SOS1: variants seen among roughly 807,000 people sequenced by gnomAD.
SOS1 encodes SOS Ras/Rac guanine nucleotide exchange factor 1, also known as son of sevenless homolog 1.
Under a neutral mutation model 157.6 loss-of-function variants are expected in SOS1, and 25 were observed. The observed-to-expected ratio is 0.16, with a 90% CI of 0.12 to 0.22. The LOEUF is 0.22. Among genes scored for constraint, SOS1 ranks in the 10% least tolerant of loss-of-function variants. The pLI is 1.00. For missense variants in SOS1, 1,237 were observed against 1,599.1 expected (o/e 0.77, Z 3.86); for synonymous variants, 528 against 534.0 (o/e 0.99, Z 0.16).
Position 39,082,526 on chromosome 2 carries a change from A to C in SOS1, c.88-14773T>G, listed in dbSNP as rs182720453. 2.0e-5 allele frequency: 3 copies of C among 152,296 alleles called. No homozygotes were observed. The East Asian group carries it at 5.8e-4, about 29-fold the overall frequency. 9.4% of individuals were successfully genotyped at this position (152,296 alleles called of 1,614,324 possible). On this transcript the variant is annotated intron_variant, in intron 1 of 22. Coordinates refer to ENST00000402219, the MANE Select transcript of SOS1 (RefSeq NM_005633.4). The stretch of plus-strand genomic sequence containing the variant: ...CCAGAGGTATCTTACGGTAAATTTT[A>C]CTTTAAATTTATTAGAGTACAGGTT...
At chr2:38,998,300 A>G (rs555694673) in intron 17 of SOS1, among the ~76,000 whole-genome samples, 2 of 152,052 alleles carry the variant, frequency 1.3e-5, no homozygotes, top group Admixed American at 1.3e-4. Flanking sequence ...CCCAGGCTAG[A>G]GTGCAATGGC....
intron 8 of SOS1, chr2:39,034,667 G>C: frequency 1.1e-5 from 4 of 351,394 alleles, no homozygotes; most frequent in South Asian, 9.5e-5. Context: ...TGATCAAATG[G>C]GCAATTTTTA....
In SOS1 at chr2:38,997,606, A is replaced by ATT. The variant is rs4015854; in HGVS notation, c.2792-183_2792-182dup. On this transcript the variant is annotated intron_variant, in intron 17 of 22. Coordinates refer to ENST00000402219, the MANE Select transcript of SOS1 (RefSeq NM_005633.4). ...GAGAAAGTATCTGTGAAAGACTTAA[A>ATT]TTTTTTTTTTTTTTTCCTCATCAGA... 0.89 allele frequency among the ~76,000 whole-genome samples: 130,301 copies of ATT among 146,316 alleles called. 58,159 individuals carry two copies. The highest frequency in any genetic ancestry group is 0.93 in the Non-Finnish European group (61,890 of 66,818).
intron 6 of SOS1, among the ~76,000 whole-genome samples, chr2:39,043,321 C>T (rs1558484710): frequency 1.3e-5 from 2 of 152,074 alleles, no homozygotes; most frequent in African/African-American, 4.8e-5. Flanking sequence ...GATATATAGA[C>T]ATATGTTTTA....
intron 8 of SOS1, among the ~76,000 whole-genome samples, chr2:39,027,238 A>G (rs1344218113): frequency 6.6e-6 from 1 of 152,186 alleles, no homozygotes; most frequent in Non-Finnish European, 1.5e-5. Flanking sequence ...CCACTTGGAC[A>G]TCCTTTGATT....
rs570650634 is a variant in SOS1, at chr2:39,120,456, G to A, written c.-34C>T. On this transcript the variant is annotated 5_prime_UTR_variant, in exon 1 of 23. Transcript: ENST00000402219. The stretch of plus-strand genomic sequence containing the variant: ...CGGGGCGCCTCTGGGCGGGGAGAGG[G>A]GCGGCGGCGGCCGGGCCAGGGAGCC... 5 of 1,538,580 alleles carry A rather than the reference G, an allele frequency of 3.2e-6. No homozygotes were observed. The highest frequency in any genetic ancestry group is 2.6e-6 in the Non-Finnish European group (3 of 1,144,258).
chr2:39,091,787 C>A (rs778782973), intron 1 of SOS1, among the ~76,000 whole-genome samples: 5 of 152,126 alleles, frequency 3.3e-5, no homozygotes, highest in Non-Finnish European at 7.3e-5. Context: ...TCCCTGCCCG[C>A]ATCTCATCTG....
chr2:39,107,879 C>T (rs1490734830), intron 1 of SOS1, among the ~76,000 whole-genome samples: 1 of 152,094 alleles, frequency 6.6e-6, no homozygotes, highest in African/African-American at 2.4e-5. Flanking sequence ...TTAGAGCCAT[C>T]CTCAAAGCCT....
At chr2:39,074,692 A>T (rs1222490138) in intron 1 of SOS1, among the ~76,000 whole-genome samples, 2 of 152,088 alleles carry the variant, frequency 1.3e-5, no homozygotes, top group Non-Finnish European at 2.9e-5. Flanking sequence ...ACATGGAGAA[A>T]GCTTGTCTGT....
At chr2:39,013,628 G>T in intron 12 of SOS1, 65 bp from the exon 13 acceptor site, 2 of 1,100,862 alleles carry the variant, frequency 1.8e-6, no homozygotes, top group Non-Finnish European at 2.8e-6. Context: ...ACAATGCACA[G>T]TACAATACAA....
At chr2:38,989,462 TTAC>T in intron 20 of SOS1, 148 bp from the exon 21 acceptor site, 1 of 594,682 alleles carries the variant, frequency 1.7e-6, no homozygotes, top group Non-Finnish European at 3.1e-6. Flanking sequence ...TCATTACTAC[TTAC>T]TTTTGAGAAG....
At position 39,014,783 on chromosome 2, in the gene SOS1, A is replaced by T; in HGVS notation, c.1922T>A (p.Leu641Gln). Residue 641 changes from leucine (L) to glutamine (Q), a missense_variant, in exon 11 of 23, where the codon CTG becomes CAG. Leu to Gln is a moderately radical substitution (Grantham distance 113, BLOSUM62 -2). This residue lies in a region of SOS1 where 55 missense variants were observed against 43.1 expected (regional missense o/e 1.27). Transcript: ENST00000402219. ...YRSFCKPQELLSLIIERFEIP... is the reference protein window; with the variant it reads ...YRSFCKPQELQSLIIERFEIP... ...GACAGACCTTTCTATTATAAGACTC[A>T]GTAGTTCTTGAGGTTTGCAAAAGGA... The T allele has an allele frequency of 6.4e-7, 1 of 1,569,692 alleles. No homozygotes were observed. The highest frequency in any genetic ancestry group is 8.8e-7 in the Non-Finnish European group (1 of 1,140,354).
chr2:39,104,477 T>C (rs1048211690), intron 1 of SOS1, among the ~76,000 whole-genome samples: 1 of 151,968 alleles, frequency 6.6e-6, no homozygotes, highest in South Asian at 2.1e-4. Context: ...GGCAAGGAGG[T>C]AGAGAAATTG....
At chr2:39,005,978 G>C (rs1284117922) in intron 17 of SOS1, among the ~76,000 whole-genome samples, 1 of 152,050 alleles carries the variant, frequency 6.6e-6, no homozygotes, top group East Asian at 1.9e-4. Context: ...ATGCAGAAGG[G>C]GAAAAATAGG....
chr2:39,114,156 C>T (rs1225289333), intron 1 of SOS1, among the ~76,000 whole-genome samples: 1 of 152,128 alleles, frequency 6.6e-6, no homozygotes, highest in Non-Finnish European at 1.5e-5. Context: ...AGTGCAATGG[C>T]ACGATCATGG....
chr2:39,080,656 G>C (rs985190948), intron 1 of SOS1, among the ~76,000 whole-genome samples: 1 of 151,862 alleles, frequency 6.6e-6, no homozygotes, highest in Non-Finnish European at 1.5e-5. Context: ...TTTTTAATTT[G>C]GATGCTGAGT....
chr2:38,998,233 A>T (rs1007846284), intron 17 of SOS1, among the ~76,000 whole-genome samples: 7 of 146,336 alleles, frequency 4.8e-5, no homozygotes, highest in Non-Finnish European at 7.6e-5. Context: ...GTGTGATCTT[A>T]TTTTTTTTTT....
Position 38,995,214 on chromosome 2 carries a change from T to A in SOS1, c.3255A>T (p.Thr1085=). The part of the protein sequence containing the change: ...STASAPNSPR[T]PLTPPPASGA... ...CAGAAGCAGGCGGAGGTGTTAACGG[T>A]GTTCTTGGAGAATTTGGTGCAGATG... Residue 1085 remains threonine (T), a synonymous_variant, in exon 20 of 23, where the codon ACA becomes ACT. Coordinates refer to ENST00000402219, the MANE Select transcript of SOS1 (RefSeq NM_005633.4). 1 of 1,614,012 alleles carries A rather than the reference T, an allele frequency of 6.2e-7. No homozygotes were observed. The highest frequency in any genetic ancestry group is 8.5e-7 in the Non-Finnish European group (1 of 1,179,932).
chr2:39,043,381 G>A (rs1001744747), intron 6 of SOS1, among the ~76,000 whole-genome samples: 16 of 152,104 alleles, frequency 1.1e-4, no homozygotes, highest in African/African-American at 3.4e-4. Context: ...ATCTGAGAAT[G>A]TCTCATAGTT....
Sources: allele counts gnomAD v4.1 joint callset (sites outside exome capture counted in the v4.1 genomes callset), GRCh38; gene constraint gnomAD v4.1.1; regional missense constraint gnomAD v4.1.1; transcripts MANE v1.5; gene names NCBI Gene and HGNC (gene_info 2026-07-23, HGNC 2026-07-21).